ALDH18A1: variants seen among roughly 807,000 people sequenced by gnomAD.
ALDH18A1 encodes delta-1-pyrroline-5-carboxylate synthase.
In ALDH18A1, 44 loss-of-function variants were observed where a neutral mutation model predicts 88.8. That is an observed-to-expected ratio of 0.50 (90% confidence interval 0.39 to 0.64). ALDH18A1 has a LOEUF of 0.64. ALDH18A1 is among the 30% of genes least tolerant of loss of function. The pLI, the probability that ALDH18A1 is intolerant of heterozygous loss-of-function variation, is 0.00. For synonymous variants in ALDH18A1, 331 were observed against 372.1 expected (o/e 0.89, Z 1.27); for missense variants, 782 against 1,009.5 (o/e 0.77, Z 3.05).
rs150526956 is a variant in ALDH18A1, at chr10:95,621,184, G to A, written c.1314C>T (p.Ile438=). 473 of 1,614,108 alleles carry A rather than the reference G, an allele frequency of 2.9e-4. No homozygotes were observed. The highest frequency in any genetic ancestry group is 6.5e-4 in the Admixed American group (39 of 60,014). ...LSTSKLNSLA[I]GLRQIAASSQ... ...AGGAGGCTGCGATCTGTCGCAGACC[G>A]ATGGCCAGGCTGTTCAATTTGGATG... The change falls in exon 12 of 18, where the codon ATC becomes ATT. Residue 438 remains isoleucine, a synonymous_variant. Transcript: ENST00000371224.
chr10:95,634,852 T>G (rs1221989654), intron 5 of ALDH18A1, among the ~76,000 whole-genome samples: 1 of 152,182 alleles, frequency 6.6e-6, no homozygotes, highest in African/African-American at 2.4e-5. Context: ...ATGCAATCTC[T>G]CTAATGTTTA....
chr10:95,619,768 A>C (rs1321192974), intron 12 of ALDH18A1, among the ~76,000 whole-genome samples: 1 of 152,184 alleles, frequency 6.6e-6, no homozygotes, highest in Admixed American at 6.5e-5. Context: ...CCTTCCTTAC[A>C]CCTTATACAA....
rs1298557083 is a variant in ALDH18A1 at position 95,656,630 on chromosome 10, C to A, written c.-62G>T. On this transcript the variant is annotated 5_prime_UTR_variant, in exon 1 of 18. Coordinates refer to ENST00000371224, the MANE Select transcript of ALDH18A1 (RefSeq NM_002860.4). ...CCACCGCCGCCTTCGCCCCCTGGCA[C>A]TACCGCGGGTCCGCACTCCACGCCG... is the stretch of plus-strand genomic sequence containing the variant. The A allele has an allele frequency of 1.3e-5, 2 of 152,818 alleles. No individual in the cohort carries two copies. The highest frequency in any genetic ancestry group is 4.8e-5 in the African/African-American group (2 of 41,448). 9.5% of individuals were successfully genotyped at this position (152,818 alleles called of 1,614,324 possible).
Position 95,606,699 on chromosome 10 carries a change from C to T in ALDH18A1, c.*63G>A. 6.2e-7 allele frequency: 1 copy of T among 1,613,326 alleles called. No individual in the cohort carries two copies. On this transcript the variant is annotated 3_prime_UTR_variant, in exon 18 of 18. Transcript: ENST00000371224. ...CTGGGAGACAAGAGCGGGCTCTCTCCTGAGATAAGACAAGTTTAACGTGAA... is the reference window on the plus strand; with the variant it reads ...CTGGGAGACAAGAGCGGGCTCTCTCTTGAGATAAGACAAGTTTAACGTGAA...
chr10:95,635,623 T>A (rs2097879137), intron 5 of ALDH18A1, among the ~76,000 whole-genome samples: 1 of 152,114 alleles, frequency 6.6e-6, no homozygotes, highest in Non-Finnish European at 1.5e-5. Context: ...GGGCAAATAT[T>A]TTCTGTAGAT....
At chr10:95,616,806 C>A (rs1217012856) in intron 12 of ALDH18A1, 192 bp from the exon 13 acceptor site, 1 of 759,998 alleles carries the variant, frequency 1.3e-6, no homozygotes, top group Admixed American at 2.2e-5. Context: ...GATAAGGGCA[C>A]TGAAGCCCAG....
chr10:95,631,636 G>A (rs146141153), intron 7 of ALDH18A1, among the ~76,000 whole-genome samples: 1,702 of 151,360 alleles, frequency 0.011, 41 homozygotes, highest in African/African-American at 0.04. Context: ...CCAGTTACTC[G>A]GGAGGCTGAG....
chr10:95,641,100 G>A (rs1404726516), intron 3 of ALDH18A1, among the ~76,000 whole-genome samples: 1 of 98,184 alleles, frequency 1.0e-5, no homozygotes, highest in African/African-American at 3.1e-5. Flanking sequence ...TTGCACAACT[G>A]CAGGGGCACC....
chr10:95,654,009 T>C (rs2139671880), intron 1 of ALDH18A1, among the ~76,000 whole-genome samples: 2 of 152,294 alleles, frequency 1.3e-5, no homozygotes, highest in South Asian at 4.2e-4. Flanking sequence ...AGGAAGAGAA[T>C]ATGGCTACAA....
chr10:95,648,572 C>G (rs765214177), intron 2 of ALDH18A1, among the ~76,000 whole-genome samples: 13 of 152,166 alleles, frequency 8.5e-5, no homozygotes, highest in Non-Finnish European at 1.9e-4. Context: ...TAAATTTGAG[C>G]TGGCCCCGTA....
intron 7 of ALDH18A1, among the ~76,000 whole-genome samples, chr10:95,630,114 TC>T (rs1417139290): frequency 4.9e-5 from 4 of 81,340 alleles, no homozygotes; most frequent in African/African-American, 1.5e-4. Context: ...TCTTCTTCTT[TC>T]CCCCCCCTCT....
At chr10:95,618,834 T>C (rs995771423) in intron 12 of ALDH18A1, among the ~76,000 whole-genome samples, 1 of 152,178 alleles carries the variant, frequency 6.6e-6, no homozygotes, top group African/African-American at 2.4e-5. Flanking sequence ...CACTGTGGTA[T>C]GGTAGGTTGA....
intron 11 of ALDH18A1, among the ~76,000 whole-genome samples, chr10:95,624,471 T>C (rs977336765): frequency 6.6e-6 from 1 of 152,230 alleles, no homozygotes; most frequent in Non-Finnish European, 1.5e-5. Context: ...TCTAAAACAA[T>C]GGTTCAAAAA....
chr10:95,655,681 A>AGT (rs3838754), intron 1 of ALDH18A1, among the ~76,000 whole-genome samples: 9,452 of 150,204 alleles, frequency 0.063, 344 homozygotes, highest in Middle Eastern at 0.11. Flanking sequence ...GAGCAAAGAG[A>AGT]GTGTGTGTGT....
chr10:95,620,016 G>C (rs1247559627), intron 12 of ALDH18A1, among the ~76,000 whole-genome samples: 4 of 152,098 alleles, frequency 2.6e-5, no homozygotes, highest in African/African-American at 9.7e-5. Context: ...ACAGAATGGA[G>C]AAAATTTTTG....
chr10:95,649,528 G>C (rs11188416), intron 2 of ALDH18A1, among the ~76,000 whole-genome samples: 53,046 of 151,074 alleles, frequency 0.35, 9,932 homozygotes, highest in East Asian at 0.7. Flanking sequence ...CTAATTTTTT[G>C]TGTTTTTTAG....
At chr10:95,639,597 CTT>C (rs1033656392) in intron 3 of ALDH18A1, among the ~76,000 whole-genome samples, 13 of 151,228 alleles carry the variant, frequency 8.6e-5, no homozygotes, top group Non-Finnish European at 1.5e-4. Context: ...AATTATATGT[CTT>C]TCTCTCTCCA....
chr10:95,641,136 A>G (rs1276852874), intron 3 of ALDH18A1, among the ~76,000 whole-genome samples: 1 of 152,062 alleles, frequency 6.6e-6, no homozygotes, highest in Non-Finnish European at 1.5e-5. Context: ...AGTAGCATGG[A>G]ACTTTTCCCC....
chr10:95,633,401 G>C, intron 6 of ALDH18A1, 90 bp downstream of exon 6: 1 of 1,515,656 alleles, frequency 6.6e-7, no homozygotes, highest in South Asian at 1.2e-5. Context: ...TTTCCATCTT[G>C]TTTATGCCAA....
Sources: allele counts gnomAD v4.1 joint callset (sites outside exome capture counted in the v4.1 genomes callset), GRCh38; gene constraint gnomAD v4.1.1; transcripts MANE v1.5; gene names NCBI Gene and HGNC (gene_info 2026-07-23, HGNC 2026-07-21).